SLC51A: variants seen among roughly 807,000 people sequenced by gnomAD.
SLC51A encodes the protein organic solute transporter subunit alpha.
Under a neutral mutation model 34.8 loss-of-function variants are expected in SLC51A, and 22 were observed. That is an observed-to-expected ratio of 0.63 (90% CI 0.45 to 0.90). SLC51A has a LOEUF of 0.90. Ranked by LOEUF, SLC51A falls within the 40% of genes least tolerant of loss-of-function variation. SLC51A has a pLI of 0.00. For synonymous variants in SLC51A, 181 were observed against 176.3 expected (o/e 1.03, Z -0.21); for missense variants, 371 against 414.8 (o/e 0.89, Z 0.92).
chr3:196,216,976 G>C lies in SLC51A; in HGVS notation c.38+226G>C, dbSNP rs116216921. Among the ~76,000 whole-genome samples, 3,804 of 152,324 alleles carry C rather than the reference G, an allele frequency of 0.025. 169 individuals carry two copies. The highest frequency in any genetic ancestry group is 0.086 in the African/African-American group (3,572 of 41,562). Reference sequence around the variant, plus strand: ...CCCCCAGCGTGGGGAGAGAAAGGTCGCAGAGCGGGGGCTGTGGAAGGCATT... The same window carrying C: ...CCCCCAGCGTGGGGAGAGAAAGGTCCCAGAGCGGGGGCTGTGGAAGGCATT... On this transcript the variant is annotated intron_variant, in intron 1 of 8. Transcript: ENST00000296327. This position sits in a 1 kb window ranked among gnomAD's most constrained non-coding sequence, Gnocchi z 4.5.
Position 196,232,501 on chromosome 3 carries a change from A to T in SLC51A, c.863A>T (p.Tyr288Phe), listed in dbSNP as rs778013432. Residue 288 changes from tyrosine (Y) to phenylalanine (F), a missense_variant, in exon 8 of 9, where the codon TAT (tyrosine) becomes TTT (phenylalanine). Physicochemically the swap from Tyr to Phe is conservative, Grantham distance 22. Transcript: ENST00000296327. ...NGGQIACSPPYSSKTRSQVMN... is the reference protein window; with the variant it reads ...NGGQIACSPPFSSKTRSQVMN... Reference sequence around the variant, plus strand: ...GGGCAGATTGCTTGTTCGCCTCCCTATTCCTCTAAAACCAGGTCTCAAGGT... The same window carrying T: ...GGGCAGATTGCTTGTTCGCCTCCCTTTTCCTCTAAAACCAGGTCTCAAGGT... 1 of 1,613,958 alleles carries T rather than the reference A, an allele frequency of 6.2e-7. No homozygotes were observed. The highest frequency in any genetic ancestry group is 8.5e-7 in the Non-Finnish European group (1 of 1,179,874).
At chr3:196,232,903 C>G (rs1196890489) in intron 8 of SLC51A, 160 bp from the exon 9 acceptor site, 1 of 743,890 alleles carries the variant, frequency 1.3e-6, no homozygotes, top group Non-Finnish European at 2.2e-6. Context: ...CTGGCTCTAC[C>G]ATTAACCCGC....
chr3:196,226,672 G>C (rs1723899089), intron 2 of SLC51A: 2 of 199,446 alleles, frequency 1.0e-5, no homozygotes, highest in South Asian at 1.7e-4. Flanking sequence ...TACTTGGGAG[G>C]CTGAGGCAGG....
At chr3:196,227,841 C>T (rs1723935656) in intron 4 of SLC51A, 104 bp downstream of exon 4, 1 of 1,168,112 alleles carries the variant, frequency 8.6e-7, no homozygotes, top group East Asian at 2.4e-5. Flanking sequence ...CTGGCCCTTC[C>T]CAGCTTGTGC....
chr3:196,225,405 T>G (rs1468092585), intron 2 of SLC51A, among the ~76,000 whole-genome samples: 1 of 152,058 alleles, frequency 6.6e-6, no homozygotes, highest in Non-Finnish European at 1.5e-5. Flanking sequence ...CTGTTTTGGT[T>G]TCAGCAGTCA....
rs375900572 is a variant in SLC51A, at chr3:196,229,960, G to A, written c.679G>A (p.Val227Met). The A allele has an allele frequency of 8.5e-5, 137 of 1,613,502 alleles. 1 individual carries two copies. Among genetic ancestry groups the A allele is most frequent in the South Asian group, 7.7e-4 (70 of 90,992 alleles). ...TCTATGGATCAACACTTTCCTTGGCGTGTCCACACTGCTGGCTCTCTGGAC... is the reference window on the plus strand; with the variant it reads ...TCTATGGATCAACACTTTCCTTGGCATGTCCACACTGCTGGCTCTCTGGAC... Reference protein sequence around the residue: ...TALWINTFLGVSTLLALWTLG... With the variant: ...TALWINTFLGMSTLLALWTLG... Residue 227 changes from valine (V) to methionine (M), a missense_variant, in exon 7 of 9, where the codon GTG becomes ATG. Val to Met is a conservative substitution (Grantham distance 21). Coordinates refer to ENST00000296327, the MANE Select transcript of SLC51A (RefSeq NM_152672.6).
intron 2 of SLC51A, among the ~76,000 whole-genome samples, chr3:196,226,336 AGT>A (rs1723893123): frequency 6.6e-6 from 1 of 151,860 alleles, no homozygotes; most frequent in African/African-American, 2.4e-5. Flanking sequence ...CCCACAAAAA[AGT>A]TCTCTGCTAA....
At position 196,233,117 on chromosome 3, in the gene SLC51A, G is replaced by A. The variant is rs138330826; in HGVS notation, c.941G>A (p.Arg314Gln). The A allele has an allele frequency of 3.1e-6, 5 of 1,614,174 alleles. No homozygotes were observed. The highest frequency in any genetic ancestry group is 1.7e-5 in the Admixed American group (1 of 60,026). Residue 314 changes from arginine to glutamine, a missense_variant, in exon 9 of 9, where the codon CGA becomes CAA. Physicochemically the swap from Arg to Gln is conservative, Grantham distance 43. Coordinates refer to ENST00000296327, the MANE Select transcript of SLC51A (RefSeq NM_152672.6). ...ACTTTTCTAATGACTGTGCTGACAC[G>A]AATGTACTACCGAAGGAAAGACCAC... is the stretch of plus-strand genomic sequence containing the variant. ...LETFLMTVLT[R>Q]MYYRRKDHKV...
intron 3 of SLC51A, 88 bp downstream of exon 3, chr3:196,227,207 C>A: frequency 6.9e-7 from 1 of 1,443,318 alleles, no homozygotes; most frequent in Non-Finnish European, 9.4e-7. Flanking sequence ...CACGTCACTT[C>A]GGCAAAGAGT....
intron 2 of SLC51A, among the ~76,000 whole-genome samples, chr3:196,219,770 G>A (rs928368189): frequency 2.0e-5 from 3 of 152,222 alleles, no homozygotes; most frequent in Non-Finnish European, 2.9e-5. Context: ...GTGGTCAGAG[G>A]CCAGGAAAGC....
intron 2 of SLC51A, among the ~76,000 whole-genome samples, chr3:196,220,433 C>G (rs1723725527): frequency 6.6e-6 from 1 of 152,086 alleles, no homozygotes; most frequent in African/African-American, 2.4e-5. Context: ...CCTGTCTCTA[C>G]TGAAAATACA....
intron 8 of SLC51A, chr3:196,232,829 C>G: frequency 1.7e-6 from 1 of 587,982 alleles, no homozygotes; most frequent in South Asian, 2.1e-5. Flanking sequence ...GTTGATTGAA[C>G]ACACATAAGA....
intron 2 of SLC51A, among the ~76,000 whole-genome samples, 174 bp from the exon 3 acceptor site, chr3:196,226,791 A>G (rs1171484381): frequency 1.7e-5 from 2 of 119,262 alleles, no homozygotes; most frequent in African/African-American, 2.7e-5. Context: ...AAAAAAAAAG[A>G]AAAAGAAAAA....
chr3:196,228,317 C>T lies in SLC51A; in HGVS notation c.521+44C>T, dbSNP rs562662223. 174 of 1,580,576 alleles carry T rather than the reference C, an allele frequency of 1.1e-4. 2 individuals carry two copies. The South Asian group carries it at 1.8e-3, about 16-fold the overall frequency. The stretch of plus-strand genomic sequence containing the variant: ...GCCTTCCCCAGGAGCCGGGGAGCCT[C>T]TCCTGGACCCCTGGTCCCCTTCAAG... On this transcript the variant is annotated intron_variant, in intron 5 of 8. Coordinates refer to ENST00000296327, the MANE Select transcript of SLC51A (RefSeq NM_152672.6). This position sits in a 1 kb window ranked among gnomAD's most constrained non-coding sequence, Gnocchi z 4.9.
rs910527988 is a variant in SLC51A, at chr3:196,227,041, G to A, written c.210G>A (p.Glu70=). The A allele has an allele frequency of 1.9e-6, 3 of 1,614,002 alleles. No individual in the cohort carries two copies. The highest frequency in any genetic ancestry group is 8.5e-7 in the Non-Finnish European group (1 of 1,180,048). ...TGGGCTCCATTGCCATCTTCCTGGA[G>A]GATGCCGTCTACCTGTACAAGAACA... ...LALGSIAIFL[E]DAVYLYKNTL... is the part of the protein sequence containing the mutation. The change falls in exon 3 of 9, where the codon GAG becomes GAA. Residue 70 remains glutamate, a synonymous_variant. Transcript: ENST00000296327.
At chr3:196,218,849 T>TTA (rs1723663769) in intron 2 of SLC51A, among the ~76,000 whole-genome samples, 2 of 146,886 alleles carry the variant, frequency 1.4e-5, no homozygotes, top group South Asian at 4.3e-4. Flanking sequence ...AAACAGTAAT[T>TTA]AAAAAAAAAA....
chr3:196,228,398 C>T lies in SLC51A; in HGVS notation c.521+125C>T. The T allele has an allele frequency of 7.7e-7, 1 of 1,303,518 alleles. No homozygotes were observed. The allele number at this position is 1,303,518 out of a possible 1,614,324, so 80.7% of individuals were successfully genotyped here. A position where few individuals can be genotyped will look rare whatever the true frequency, so the allele number is the denominator to read the frequency against. ...GCCAGTGACGGAAGGGTGGGCATCC[C>T]ACGGCCAGGACCCACGGGCGCCACC... On this transcript the variant is annotated intron_variant, in intron 5 of 8. Transcript: ENST00000296327. This position sits in a 1 kb window ranked among gnomAD's most constrained non-coding sequence, Gnocchi z 4.9.
At chr3:196,229,738 C>G (rs1447510873) in intron 6 of SLC51A, 177 bp from the exon 7 acceptor site, 1 of 576,944 alleles carries the variant, frequency 1.7e-6, no homozygotes, top group African/African-American at 1.9e-5. Flanking sequence ...CCTGTAGTCC[C>G]AGCTACTCAG....
At position 196,230,050 on chromosome 3, in the gene SLC51A, GCT is replaced by G; in HGVS notation, c.772_773del (p.Leu258ValfsTer33). ...LGEQNMGAKF[A>X]LFQVLLILTA... ...TGAGCAGAACATGGGAGCCAAATTTGCTCTGTTCCAGGTAACTATACCCTGGG... is the reference window on the plus strand; with the variant it reads ...TGAGCAGAACATGGGAGCCAAATTTGCTGTTCCAGGTAACTATACCCTGGG... On this transcript the variant is annotated frameshift_variant, in exon 7 of 9. Transcript: ENST00000296327. LOFTEE classifies it high-confidence loss of function. 1 of 1,612,440 alleles carries G rather than the reference GCT, an allele frequency of 6.2e-7. No individual in the cohort carries two copies. Among genetic ancestry groups the G allele is most frequent in the South Asian group, 1.1e-5 (1 of 90,860 alleles).
Sources: gnomAD v4.1 joint callset for allele counts (sites outside exome capture counted in the v4.1 genomes callset) on GRCh38, gnomAD v4.1.1 for gene constraint, Gnocchi (gnomAD v3.1) non-coding constraint, MANE v1.5 for transcripts, NCBI Gene and HGNC (gene_info 2026-07-23, HGNC 2026-07-21) for gene names.